MGAT4C: variants seen among roughly 807,000 people sequenced by gnomAD.
MGAT4C encodes the protein alpha-1,3-mannosyl-glycoprotein 4-beta-N-acetylglucosaminyltransferase C.
MGAT4C carries 19 observed loss-of-function variants against 40.1 expected under a neutral mutation model. The observed-to-expected ratio is 0.47, with a 90% confidence interval of 0.33 to 0.70. MGAT4C has a LOEUF of 0.70. Ranked by LOEUF, MGAT4C falls within the 30% of genes least tolerant of loss-of-function variation. The pLI, the probability that MGAT4C is intolerant of heterozygous loss-of-function variation, is 0.02. For missense variants in MGAT4C, 491 were observed against 563.2 expected (o/e 0.87, Z 1.30); for synonymous variants, 181 against 187.1 (o/e 0.97, Z 0.27).
chr12:86,616,786 C>G (rs1319845711), intron 2 of MGAT4C, among the ~76,000 whole-genome samples: 1 of 151,488 alleles, frequency 6.6e-6, no homozygotes, highest in African/African-American at 2.4e-5. Flanking sequence ...AACAAAAGCC[C>G]AGAGAGAGAA....
At chr12:86,356,628 C>G (rs1419344745) in intron 3 of MGAT4C, among the ~76,000 whole-genome samples, 1 of 152,146 alleles carries the variant, frequency 6.6e-6, no homozygotes, top group African/African-American at 2.4e-5. Flanking sequence ...CACCCTAATA[C>G]TGGGCTTTTC....
At chr12:86,707,843 T>C in intron 2 of MGAT4C, among the ~76,000 whole-genome samples, 1 of 151,988 alleles carries the variant, frequency 6.6e-6, no homozygotes, top group East Asian at 1.9e-4. Context: ...GCAGGAGAAG[T>C]TTTTAAGCAG....
chr12:86,472,029 T>A (rs1348249656), intron 2 of MGAT4C, among the ~76,000 whole-genome samples: 3 of 152,164 alleles, frequency 2.0e-5, no homozygotes, highest in Admixed American at 1.3e-4. Context: ...TATGGCAAAG[T>A]ATTTTCCTAA....
intron 1 of MGAT4C, among the ~76,000 whole-genome samples, chr12:86,225,357 C>T (rs992318215): frequency 1.2e-4 from 18 of 152,102 alleles, no homozygotes; most frequent in African/African-American, 2.4e-4. Context: ...TGAAATTAGA[C>T]GAGTCAAACA....
chr12:86,524,326 C>T (rs564089555), intron 2 of MGAT4C, among the ~76,000 whole-genome samples: 2 of 152,202 alleles, frequency 1.3e-5, no homozygotes, highest in East Asian at 3.9e-4. Context: ...CTGAAAAGGA[C>T]CTTATTTTTC....
intron 2 of MGAT4C, among the ~76,000 whole-genome samples, chr12:86,659,666 G>T (rs1056318474): frequency 1.7e-4 from 26 of 152,020 alleles, no homozygotes; most frequent in Non-Finnish European, 3.5e-4. Context: ...GAGATAGGAA[G>T]ATCAGAAAAG....
chr12:86,645,332 T>A (rs1160762701), intron 2 of MGAT4C, among the ~76,000 whole-genome samples: 1 of 151,752 alleles, frequency 6.6e-6, no homozygotes, highest in Non-Finnish European at 1.5e-5. Flanking sequence ...AGATCACTCA[T>A]GTATTACATA....
chr12:86,099,865 TGTTA>T (rs1874648711), intron 1 of MGAT4C, among the ~76,000 whole-genome samples: 3 of 151,636 alleles, frequency 2.0e-5, no homozygotes, highest in Non-Finnish European at 3.0e-5. Context: ...TAAAACTTTC[TGTTA>T]GTTAATGTTT....
At chr12:86,680,784 A>T (rs1416886208) in intron 2 of MGAT4C, among the ~76,000 whole-genome samples, 1 of 152,032 alleles carries the variant, frequency 6.6e-6, no homozygotes, top group East Asian at 1.9e-4. Context: ...ACTGAATGTG[A>T]TAGGAAAATC....
intron 2 of MGAT4C, among the ~76,000 whole-genome samples, chr12:86,018,685 T>A (rs1162200861): frequency 6.6e-6 from 1 of 152,136 alleles, no homozygotes; most frequent in African/African-American, 2.4e-5. Flanking sequence ...CTGTTTCATA[T>A]TTTTTTACAG....
At chr12:86,464,664 C>A (rs1388119166) in intron 2 of MGAT4C, among the ~76,000 whole-genome samples, 7 of 152,048 alleles carry the variant, frequency 4.6e-5, no homozygotes, top group Non-Finnish European at 1.0e-4. Context: ...ATATTCATTT[C>A]TTTACAAATA....
At chr12:86,597,244 C>T (rs1208801063) in intron 2 of MGAT4C, among the ~76,000 whole-genome samples, 1 of 152,154 alleles carries the variant, frequency 6.6e-6, no homozygotes, top group South Asian at 2.1e-4. Flanking sequence ...GACTCTTACC[C>T]TAACTCTTGT....
chr12:86,774,281 C>CTCTTTCTTTCTTTCTTTCTTTCTTTCTT (rs6144795), intron 1 of MGAT4C, among the ~76,000 whole-genome samples: 599 of 58,936 alleles, frequency 0.01, 62 homozygotes, highest in African/African-American at 0.02. Context: ...CTAAGGCTTG[C>CTCTTTCTTTCTTTCTTTCTTTCTTTCTT]TCTTTCTTTC....
chr12:86,626,894 G>T (rs922373681), intron 2 of MGAT4C, among the ~76,000 whole-genome samples: 2 of 152,214 alleles, frequency 1.3e-5, no homozygotes, highest in African/African-American at 4.8e-5. Context: ...CCCACAGAGG[G>T]TGAGCCAAAG....
At chr12:86,523,880 C>T (rs1958836652) in intron 2 of MGAT4C, among the ~76,000 whole-genome samples, 1 of 151,988 alleles carries the variant, frequency 6.6e-6, no homozygotes, top group Non-Finnish European at 1.5e-5. Flanking sequence ...GCTCTAAAGT[C>T]ACTTTTGTCT....
At chr12:86,774,352 TCCCCTCTC>T (rs1565981787) in intron 1 of MGAT4C, among the ~76,000 whole-genome samples, 27 of 55,578 alleles carry the variant, frequency 4.9e-4, no homozygotes, top group South Asian at 6.9e-4. Context: ...TCTCTCTCTC[TCCCCTCTC>T]TCTCTCTCTC....
intron 2 of MGAT4C, among the ~76,000 whole-genome samples, chr12:86,040,351 T>C (rs1276528730): frequency 2.6e-5 from 4 of 152,200 alleles, no homozygotes; most frequent in East Asian, 1.9e-4. Flanking sequence ...TTCTCCCAGG[T>C]GCTCTGTCCC....
At chr12:86,472,178 C>T (rs1249479839) in intron 2 of MGAT4C, among the ~76,000 whole-genome samples, 1 of 152,114 alleles carries the variant, frequency 6.6e-6, no homozygotes, top group Non-Finnish European at 1.5e-5. Context: ...GAAACTTTTG[C>T]CTCTATACTT....
chr12:86,138,578 CAT>C (rs1184425141), intron 1 of MGAT4C, among the ~76,000 whole-genome samples: 4 of 140,964 alleles, frequency 2.8e-5, no homozygotes, highest in African/African-American at 7.9e-5. Context: ...ATAGATATAT[CAT>C]ATATATATTT....
Sources: allele counts gnomAD v4.1 joint callset (sites outside exome capture counted in the v4.1 genomes callset), GRCh38; gene constraint gnomAD v4.1.1; transcripts MANE v1.5; gene names NCBI Gene and HGNC (gene_info 2026-07-23, HGNC 2026-07-21).